XPO4: variants seen among roughly 807,000 people sequenced by gnomAD.
The protein encoded by XPO4 is exportin-4.
A neutral mutation model predicts 143.0 loss-of-function variants in XPO4; 39 were observed. That is an observed-to-expected ratio of 0.27 (90% CI 0.21 to 0.36). XPO4 has a LOEUF of 0.36. XPO4 is among the 10% of genes least tolerant of loss of function. The pLI, the probability that XPO4 is intolerant of heterozygous loss-of-function variation, is 1.00. For synonymous variants in XPO4, 439 were observed against 474.0 expected (o/e 0.93, Z 0.96); for missense variants, 907 against 1,348.0 (o/e 0.67, Z 5.12).
intron 1 of XPO4, among the ~76,000 whole-genome samples, chr13:20,899,002 C>T (rs1010557771): frequency 1.1e-4 from 16 of 151,884 alleles, no homozygotes; most frequent in African/African-American, 3.9e-4. Flanking sequence ...ATCCTCTCTA[C>T]AAAAAAATAT....
At chr13:20,792,347 C>G (rs921812105) in intron 18 of XPO4, among the ~76,000 whole-genome samples, 1 of 152,008 alleles carries the variant, frequency 6.6e-6, no homozygotes, top group Non-Finnish European at 1.5e-5. Context: ...AATCTCAGCA[C>G]TCTGGGAGGG....
intron 1 of XPO4, among the ~76,000 whole-genome samples, chr13:20,874,692 C>T (rs1055219887): frequency 9.2e-5 from 14 of 152,202 alleles, no homozygotes; most frequent in African/African-American, 3.4e-4. Flanking sequence ...GAACCATGAA[C>T]CAAATCAACT....
chr13:20,882,976 C>A (rs1036917185), intron 1 of XPO4, among the ~76,000 whole-genome samples: 1 of 152,058 alleles, frequency 6.6e-6, no homozygotes, highest in Non-Finnish European at 1.5e-5. Context: ...GACCTCTAGA[C>A]ACCACATGAC....
rs952706332 is a variant in XPO4, at chr13:20,783,258, A to G, written c.*464T>C. Reference sequence around the variant, plus strand: ...AGACATTCTGACTCTGAAGGTCTACAGTTGGGCCTAAGAATCTGCCTTTTC... The same window carrying G: ...AGACATTCTGACTCTGAAGGTCTACGGTTGGGCCTAAGAATCTGCCTTTTC... On this transcript the variant is annotated 3_prime_UTR_variant, in exon 23 of 23. Coordinates refer to ENST00000255305, the MANE Select transcript of XPO4 (RefSeq NM_022459.5). The G allele has an allele frequency of 5.9e-6, 1 of 170,452 alleles. No individual in the cohort carries two copies. The highest frequency in any genetic ancestry group is 2.4e-5 in the African/African-American group (1 of 41,580). The allele number at this position is 170,452 out of a possible 1,614,324, so 10.6% of individuals were successfully genotyped here.
intron 1 of XPO4, among the ~76,000 whole-genome samples, chr13:20,884,388 T>C (rs2060442168): frequency 6.6e-6 from 1 of 151,420 alleles, no homozygotes; most frequent in African/African-American, 2.4e-5. Context: ...TAAAAATAAA[T>C]ACAATATAAT....
At position 20,800,325 on chromosome 13, in the gene XPO4, T is replaced by C. The variant is rs1330266274; in HGVS notation, c.1978A>G (p.Ile660Val). The C allele has an allele frequency of 3.1e-6, 5 of 1,604,160 alleles. No individual in the cohort carries two copies. The highest frequency in any genetic ancestry group is 4.5e-5 in the East Asian group (2 of 44,728). The change falls in exon 15 of 23, where the codon ATA becomes GTA. Residue 660 changes from isoleucine (I) to valine (V), a missense_variant and splice_region_variant. By Grantham distance (29) the Ile-to-Val change is conservative (BLOSUM62 3). Transcript: ENST00000255305. ...LLVDEKLYDQ[I>V]SLPFSTAFGA... ...AACGCTGTACTGAATGGCAGACTTA[T>C]CTTAAGAGAGGAAACAAATTTTTTA...
intron 6 of XPO4, among the ~76,000 whole-genome samples, chr13:20,831,661 T>C (rs2059853086): frequency 6.6e-6 from 1 of 152,226 alleles, no homozygotes; most frequent in Non-Finnish European, 1.5e-5. Context: ...CACAATTCCA[T>C]CAATAAGAAA....
chr13:20,861,777 C>CTCTCTTTTTTTT (rs1370810623), intron 3 of XPO4, among the ~76,000 whole-genome samples: 1 of 73,394 alleles, frequency 1.4e-5, no homozygotes, highest in African/African-American at 4.8e-5. Flanking sequence ...ACATTTCTCT[C>CTCTCTTTTTTTT]TTTTTTTTTT....
chr13:20,806,392 A>G (rs1024485935), intron 13 of XPO4, among the ~76,000 whole-genome samples: 1 of 152,108 alleles, frequency 6.6e-6, no homozygotes, highest in African/African-American at 2.4e-5. Context: ...AATGAAGGGG[A>G]CAGCATCCTG....
intron 4 of XPO4, among the ~76,000 whole-genome samples, chr13:20,846,601 CG>C (rs1319200782): frequency 6.6e-6 from 1 of 152,136 alleles, no homozygotes; most frequent in Non-Finnish European, 1.5e-5. Flanking sequence ...CCCCTGAACA[CG>C]TAAGAATCTT....
intron 1 of XPO4, among the ~76,000 whole-genome samples, chr13:20,872,942 A>G (rs1262634513): frequency 6.6e-6 from 1 of 152,158 alleles, no homozygotes; most frequent in East Asian, 1.9e-4. Flanking sequence ...ACAAAGAGTA[A>G]TAAAGGGGCT....
At chr13:20,852,565 A>T in intron 4 of XPO4, 2 of 983,476 alleles carry the variant, frequency 2.0e-6, no homozygotes, top group Non-Finnish European at 2.4e-6. Context: ...CTCATGAACA[A>T]ATCTTATAAT....
intron 18 of XPO4, among the ~76,000 whole-genome samples, chr13:20,793,714 G>A (rs1295057865): frequency 1.3e-5 from 2 of 152,016 alleles, no homozygotes; most frequent in Admixed American, 6.6e-5. Flanking sequence ...CCACCACCAT[G>A]CCTGGCTAAT....
chr13:20,808,430 A>G lies in XPO4; in HGVS notation c.1639+6T>C. 1 of 1,513,086 alleles carries G rather than the reference A, an allele frequency of 6.6e-7. No individual in the cohort carries two copies. The highest frequency in any genetic ancestry group is 2.3e-5 in the East Asian group (1 of 43,552). 93.7% of individuals were successfully genotyped at this position (1,513,086 alleles called of 1,614,324 possible). A position where few individuals can be genotyped will look rare whatever the true frequency, so the allele number is the denominator to read the frequency against. On this transcript the variant is annotated splice_donor_region_variant and intron_variant, in intron 12 of 22. Transcript: ENST00000255305. ...ATTACATTTTAAAAAGAAACCACCA[A>G]CCAACCTGTAACTAAAATAAGCCAG...
At chr13:20,850,755 GCC>G in intron 4 of XPO4, 3 of 970,276 alleles carry the variant, frequency 3.1e-6, no homozygotes, top group Non-Finnish European at 3.7e-6. Flanking sequence ...ATAGAGCGAG[GCC>G]CTGTTTCTAA....
chr13:20,846,343 C>A (rs780205304), intron 4 of XPO4, among the ~76,000 whole-genome samples: 2 of 152,100 alleles, frequency 1.3e-5, no homozygotes, highest in Non-Finnish European at 2.9e-5. Flanking sequence ...AGATGAGAAA[C>A]AAATGAGTGA....
chr13:20,856,215 C>A (rs1009383145), intron 3 of XPO4: 1 of 510,766 alleles, frequency 2.0e-6, no homozygotes, highest in African/African-American at 2.1e-5. Flanking sequence ...TAACCTACGT[C>A]TACAACTACT....
intron 17 of XPO4, 72 bp from the exon 18 acceptor site, chr13:20,796,328 T>G: frequency 8.9e-7 from 1 of 1,120,588 alleles, no homozygotes; most frequent in Non-Finnish European, 1.2e-6. Context: ...AAATATAATC[T>G]ATATAAATTA....
chr13:20,828,774 A>G (rs1057301804), intron 6 of XPO4, among the ~76,000 whole-genome samples: 1 of 152,188 alleles, frequency 6.6e-6, no homozygotes, highest in Admixed American at 6.5e-5. Context: ...AGAAGCCCGA[A>G]TTTAAAAAGG....
Sources: gnomAD v4.1 joint callset for allele counts (sites outside exome capture counted in the v4.1 genomes callset) on GRCh38, gnomAD v4.1.1 for gene constraint, MANE v1.5 for transcripts, NCBI Gene and HGNC (gene_info 2026-07-23, HGNC 2026-07-21) for gene names.